The following ANK3 variants were observed in gnomAD, a reference collection of about 807,000 sequenced individuals.
ANK3 encodes the protein ankyrin 3.
ANK3 carries 57 observed loss-of-function variants against 370.9 expected under a neutral mutation model. That is an observed-to-expected ratio of 0.15 (90% CI 0.12 to 0.19). The LOEUF is 0.19. Ranked by LOEUF, ANK3 falls within the 10% of genes least tolerant of loss-of-function variation. The pLI is 1.00. For synonymous variants in ANK3, 1,929 were observed against 1,946.3 expected, an observed-to-expected ratio of 0.99 and a Z score of 0.23; for missense variants, 4,439 against 5,302.1, an observed-to-expected ratio of 0.84 and a Z score of 5.06.
At chr10:60,281,197 T>C (rs1038605678) in intron 1 of ANK3, among the ~76,000 whole-genome samples, 8 of 152,324 alleles carry the variant, frequency 5.3e-5, no homozygotes, top group East Asian at 1.9e-4. Context: ...CCTTCTCTTT[T>C]ACAGTAATGA....
At chr10:60,512,249 C>T (rs532810233) in intron 2 of ANK3, among the ~76,000 whole-genome samples, 2 of 152,174 alleles carry the variant, frequency 1.3e-5, no homozygotes, top group Admixed American at 1.3e-4. Context: ...GGTCATTTTG[C>T]ATCAATGGTC....
intron 1 of ANK3, among the ~76,000 whole-genome samples, chr10:60,312,993 G>T (rs2046668965): frequency 6.6e-6 from 1 of 152,188 alleles, no homozygotes; most frequent in Admixed American, 6.5e-5. Flanking sequence ...GGCCTCCCCA[G>T]TGTGCAAAAT....
chr10:60,273,786 A>G (rs1048592551), intron 4 of ANK3, among the ~76,000 whole-genome samples: 2 of 152,152 alleles, frequency 1.3e-5, no homozygotes, highest in Admixed American at 1.3e-4. Context: ...GTCTCATAAG[A>G]TCTGATGGTT....
chr10:60,324,067 AG>A (rs1288218602), intron 1 of ANK3, among the ~76,000 whole-genome samples: 1 of 152,238 alleles, frequency 6.6e-6, no homozygotes, highest in Non-Finnish European at 1.5e-5. Context: ...ACACAGAAAA[AG>A]AGGTAGTAAC....
intron 1 of ANK3, among the ~76,000 whole-genome samples, chr10:60,645,542 A>G (rs10821816): frequency 0.68 from 102,717 of 151,750 alleles, 34,913 homozygotes; most frequent in South Asian, 0.83. Context: ...CCTGGCCAAC[A>G]TGGTGAAATC....
rs563946588 is a variant in ANK3 at position 60,036,422 on chromosome 10, A to ATTTTTTTTTTTTTTT, written c.*19+6235_*19+6249dup. The stretch of plus-strand genomic sequence containing the variant: ...CTGCGGAAGAGAGAGGTCAGAGGCA[A>ATTTTTTTTTTTTTTT]TTTTTTTTTTTTTTTTTTTTTTTTT... On this transcript the variant is annotated intron_variant, in intron 43 of 43. Transcript: ENST00000280772. Among the ~76,000 whole-genome samples the ATTTTTTTTTTTTTTT allele has an allele frequency of 6.8e-4, 49 of 72,292 alleles. 10 individuals carry two copies. Among genetic ancestry groups the ATTTTTTTTTTTTTTT allele is most frequent in the African/African-American group, 3.2e-3 (45 of 14,242 alleles). 47.4% of individuals were successfully genotyped at this position (72,292 alleles called of 152,430 possible).
intron 41 of ANK3, 66 bp downstream of exon 41, chr10:60,059,274 A>C (rs2079853550): frequency 1.5e-6 from 2 of 1,370,292 alleles, no homozygotes; most frequent in Non-Finnish European, 2.1e-6. Flanking sequence ...ACTAAAAAGC[A>C]TGTATTTAAG....
chr10:60,599,458 C>T (rs746681267), intron 2 of ANK3, among the ~76,000 whole-genome samples: 4 of 152,106 alleles, frequency 2.6e-5, no homozygotes, highest in South Asian at 2.1e-4. Flanking sequence ...ACATGAAAGG[C>T]TATTTCTATG....
intron 1 of ANK3, among the ~76,000 whole-genome samples, chr10:60,692,569 A>T (rs1460125998): frequency 1.3e-5 from 2 of 152,210 alleles, no homozygotes; most frequent in East Asian, 3.8e-4. Flanking sequence ...TACCAATAAA[A>T]GTGCAAACCT....
At chr10:60,492,852 A>G (rs112624029) in intron 2 of ANK3, among the ~76,000 whole-genome samples, 19,255 of 150,612 alleles carry the variant, frequency 0.13, 1,429 homozygotes, top group African/African-American at 0.21. Context: ...CGAGACAGGC[A>G]GATCATGAGG....
chr10:60,415,658 A>G (rs943515749), intron 2 of ANK3, among the ~76,000 whole-genome samples: 1 of 152,052 alleles, frequency 6.6e-6, no homozygotes, highest in Non-Finnish European at 1.5e-5. Flanking sequence ...ACTCAAATGA[A>G]CCTGTTAATT....
At chr10:60,709,835 A>C (rs1437869851) in intron 1 of ANK3, among the ~76,000 whole-genome samples, 1 of 151,878 alleles carries the variant, frequency 6.6e-6, no homozygotes. Flanking sequence ...CTCAAAAAAA[A>C]AAAAAAGAAA....
At chr10:60,498,813 G>A (rs1212541742) in intron 2 of ANK3, among the ~76,000 whole-genome samples, 1 of 152,128 alleles carries the variant, frequency 6.6e-6, no homozygotes, top group Non-Finnish European at 1.5e-5. Context: ...ACTATTGTAT[G>A]TCATTAAACT....
intron 16 of ANK3, among the ~76,000 whole-genome samples, chr10:60,192,555 C>T (rs1458336269): frequency 2.0e-5 from 3 of 152,020 alleles, no homozygotes; most frequent in Non-Finnish European, 4.4e-5. Flanking sequence ...TGCAGCAACA[C>T]AGATGAAACT....
intron 2 of ANK3, among the ~76,000 whole-genome samples, chr10:60,469,601 GTA>G (rs34300671): frequency 0.16 from 424 of 2,600 alleles, 171 homozygotes; most frequent in Middle Eastern, 0.4. Context: ...ATATATGGTG[GTA>G]TATATATATA....
intron 1 of ANK3, among the ~76,000 whole-genome samples, chr10:60,356,365 A>G (rs1235763362): frequency 5.9e-5 from 9 of 152,198 alleles, no homozygotes; most frequent in Non-Finnish European, 1.2e-4. Flanking sequence ...GTCAGTAATA[A>G]CCCTACTGAC....
chr10:60,274,804 C>T (rs1271806742), intron 4 of ANK3, among the ~76,000 whole-genome samples: 1 of 152,152 alleles, frequency 6.6e-6, no homozygotes, highest in Non-Finnish European at 1.5e-5. Flanking sequence ...CCCTGTAATT[C>T]AAGTAACACC....
At chr10:60,726,213 T>TA (rs936693590) in intron 1 of ANK3, among the ~76,000 whole-genome samples, 26 of 150,886 alleles carry the variant, frequency 1.7e-4, no homozygotes, top group Non-Finnish European at 2.5e-4. Flanking sequence ...ATCCTTCATA[T>TA]AAAAAAAAAC....
chr10:60,263,370 G>A (rs75953137), intron 6 of ANK3, among the ~76,000 whole-genome samples: 5,369 of 152,296 alleles, frequency 0.035, 307 homozygotes, highest in African/African-American at 0.12. Flanking sequence ...GGTACCACAT[G>A]TCAAGACGAT....
Sources: gnomAD v4.1 joint callset for allele counts (sites outside exome capture counted in the v4.1 genomes callset) on GRCh38, gnomAD v4.1.1 for gene constraint, MANE v1.5 for transcripts, NCBI Gene and HGNC (gene_info 2026-07-23, HGNC 2026-07-21) for gene names.